The following AGPAT5 variants were observed in gnomAD, a reference collection of about 807,000 sequenced individuals.
AGPAT5 encodes 1-acylglycerol-3-phosphate O-acyltransferase 5.
In AGPAT5, 46 loss-of-function variants were observed where a neutral mutation model predicts 45.6. That is an observed-to-expected ratio of 1.01 (90% CI 0.80 to 1.29). The LOEUF is 1.29. Ranked by LOEUF, AGPAT5 falls within the 50% of genes most tolerant of loss-of-function variation. The pLI, the probability that AGPAT5 is intolerant of heterozygous loss-of-function variation, is 0.00. For missense variants in AGPAT5, 673 were observed against 450.7 expected, an observed-to-expected ratio of 1.49 and a Z score of -4.47; for synonymous variants, 272 against 167.0, an observed-to-expected ratio of 1.63 and a Z score of -4.85.
rs945125513 is a variant in AGPAT5 at position 6,732,574 on chromosome 8, A to G, written c.419A>G (p.Tyr140Cys). Residue 140 changes from tyrosine (Y) to cysteine (C), a missense_variant, in exon 4 of 8, where the codon TAT (tyrosine) becomes TGT (cysteine). Tyr to Cys is a radical substitution (Grantham distance 194, BLOSUM62 -2). Transcript: ENST00000285518. ...TGATTGTGGCAGCATGGAGGAATCT[A>G]TGTAAAGCGCAGTGCCAAATTTAAC... is the stretch of plus-strand genomic sequence containing the variant. ...GCYFAQHGGIYVKRSAKFNEK... is the reference protein window; with the variant it reads ...GCYFAQHGGICVKRSAKFNEK... The G allele has an allele frequency of 2.5e-6, 4 of 1,607,976 alleles. No individual in the cohort carries two copies. Among genetic ancestry groups the G allele is most frequent in the Non-Finnish European group, 1.7e-6 (2 of 1,178,440 alleles).
chr8:6,748,884 G>A (rs767076977), intron 6 of AGPAT5, among the ~76,000 whole-genome samples: 9 of 152,128 alleles, frequency 5.9e-5, no homozygotes, highest in Non-Finnish European at 8.8e-5. Flanking sequence ...CCTCCAGCAC[G>A]TTTTACATGG....
chr8:6,743,514 A>G (rs1370172486), intron 5 of AGPAT5, among the ~76,000 whole-genome samples: 1 of 152,238 alleles, frequency 6.6e-6, no homozygotes, highest in Non-Finnish European at 1.5e-5. Flanking sequence ...TTATTCACAA[A>G]AAGAACAAAT....
At chr8:6,745,011 G>C (rs921210003) in intron 5 of AGPAT5, among the ~76,000 whole-genome samples, 2 of 152,142 alleles carry the variant, frequency 1.3e-5, no homozygotes, top group African/African-American at 4.8e-5. Flanking sequence ...TTCTCCTTTT[G>C]ACTACCTCAT....
intron 5 of AGPAT5, among the ~76,000 whole-genome samples, chr8:6,747,310 A>C (rs1346067799): frequency 6.6e-6 from 1 of 152,208 alleles, no homozygotes; most frequent in Non-Finnish European, 1.5e-5. Context: ...TTTCTAGGAA[A>C]TCTTGAGTCA....
chr8:6,709,278 C>G (rs932874732), intron 1 of AGPAT5: 1 of 231,444 alleles, frequency 4.3e-6, no homozygotes, highest in Admixed American at 5.4e-5. Context: ...CCGAAGTGCG[C>G]TTTTACAGTG....
At chr8:6,753,364 AT>A (rs2116962346) in intron 6 of AGPAT5, among the ~76,000 whole-genome samples, 1 of 152,296 alleles carries the variant, frequency 6.6e-6, no homozygotes, top group African/African-American at 2.4e-5. Flanking sequence ...TGATTACTTA[AT>A]TATGGAAATG....
At chr8:6,748,741 G>A (rs936640867) in intron 6 of AGPAT5, among the ~76,000 whole-genome samples, 1 of 152,138 alleles carries the variant, frequency 6.6e-6, no homozygotes, top group Admixed American at 6.6e-5. Context: ...CTTACCTCAG[G>A]TGATCCACGC....
chr8:6,750,506 C>T (rs1801623354), intron 6 of AGPAT5, among the ~76,000 whole-genome samples: 1 of 152,154 alleles, frequency 6.6e-6, no homozygotes, highest in African/African-American at 2.4e-5. Flanking sequence ...AGGAAAAATA[C>T]ACCAGAGTAA....
intron 1 of AGPAT5, among the ~76,000 whole-genome samples, chr8:6,722,556 T>C (rs1800538488): frequency 6.6e-6 from 1 of 152,216 alleles, no homozygotes; most frequent in African/African-American, 2.4e-5. Flanking sequence ...ATGTGATTAC[T>C]TTAGATGCCG....
At chr8:6,716,516 A>T (rs1800334931) in intron 1 of AGPAT5, among the ~76,000 whole-genome samples, 1 of 151,942 alleles carries the variant, frequency 6.6e-6, no homozygotes, top group African/African-American at 2.4e-5. Flanking sequence ...TGGGCGACAG[A>T]GTGAGACCCT....
At chr8:6,749,340 A>G (rs748356041) in intron 6 of AGPAT5, among the ~76,000 whole-genome samples, 1 of 152,350 alleles carries the variant, frequency 6.6e-6, no homozygotes, top group Admixed American at 6.5e-5. Context: ...AAAATGTAAC[A>G]TATTTATATC....
At chr8:6,708,969 G>A (rs1248916702) in intron 1 of AGPAT5, 82 bp downstream of exon 1, 2 of 1,391,642 alleles carry the variant, frequency 1.4e-6, no homozygotes, top group African/African-American at 1.4e-5. Context: ...CACAGCTGGC[G>A]AGGGTCACCC....
Position 6,732,566 on chromosome 8 carries a change from A to C in AGPAT5, c.411A>C (p.Gly137=). Residue 137 remains glycine, a synonymous_variant, in exon 4 of 8, where the codon GGA becomes GGC. Coordinates refer to ENST00000285518, the MANE Select transcript of AGPAT5 (RefSeq NM_018361.5). The stretch of plus-strand genomic sequence containing the variant: ...TCCCGATTTGATTGTGGCAGCATGG[A>C]GGAATCTATGTAAAGCGCAGTGCCA... ...PLYGCYFAQH[G]GIYVKRSAKF... 1 of 1,602,184 alleles carries C rather than the reference A, an allele frequency of 6.2e-7. No homozygotes were observed. The highest frequency in any genetic ancestry group is 8.5e-7 in the Non-Finnish European group (1 of 1,176,832).
intron 2 of AGPAT5, among the ~76,000 whole-genome samples, chr8:6,725,381 TTCC>T (rs1358035601): frequency 6.6e-6 from 1 of 152,222 alleles, no homozygotes; most frequent in East Asian, 1.9e-4. Context: ...TGCTCTTCCT[TTCC>T]TTCTTCAAAT....
At chr8:6,709,515 C>G (rs1207296616) in intron 1 of AGPAT5, 1 of 150,308 alleles carries the variant, frequency 6.7e-6, no homozygotes, top group Non-Finnish European at 1.5e-5. Flanking sequence ...GAGAAACAAA[C>G]CATAAAAGTG....
intron 4 of AGPAT5, among the ~76,000 whole-genome samples, chr8:6,733,356 C>T (rs1800936327): frequency 6.6e-6 from 1 of 152,202 alleles, no homozygotes; most frequent in African/African-American, 2.4e-5. Flanking sequence ...TCCTCCTGCC[C>T]TCCCCTCACC....
chr8:6,717,503 C>T (rs904268596), intron 1 of AGPAT5, among the ~76,000 whole-genome samples: 2 of 152,140 alleles, frequency 1.3e-5, no homozygotes, highest in Non-Finnish European at 2.9e-5. Flanking sequence ...CGTAAAGTAA[C>T]ACATAATTTA....
At chr8:6,732,747 C>T in intron 4 of AGPAT5, 97 bp downstream of exon 4, 1 of 1,107,208 alleles carries the variant, frequency 9.0e-7, no homozygotes, top group Non-Finnish European at 1.3e-6. Flanking sequence ...AATGTATTTT[C>T]CCATGTGTAA....
rs777306712 is a variant in AGPAT5 at position 6,708,674 on chromosome 8, G to T, written c.6G>T (p.Leu2=). ...GCTGCCGCCGAGCTGAGAAGATGCT[G>T]CTGTCCCTGGTGCTCCACACGTACT... M[L]LSLVLHTYSM... Residue 2 remains leucine, a synonymous_variant, in exon 1 of 8, where the codon CTG becomes CTT. Coordinates refer to ENST00000285518, the MANE Select transcript of AGPAT5 (RefSeq NM_018361.5). 5 of 1,587,472 alleles carry T rather than the reference G, an allele frequency of 3.1e-6. No individual in the cohort carries two copies. The East Asian group carries it at 1.2e-4, about 37-fold the overall frequency.
Sources: allele counts gnomAD v4.1 joint callset (sites outside exome capture counted in the v4.1 genomes callset), GRCh38; gene constraint gnomAD v4.1.1; transcripts MANE v1.5; gene names NCBI Gene and HGNC (gene_info 2026-07-23, HGNC 2026-07-21).